Variants in PIP5K1B observed in about 807,000 individuals in gnomAD.
PIP5K1B encodes the protein phosphatidylinositol 4-phosphate 5-kinase type-1 beta.
PIP5K1B carries 42 observed loss-of-function variants against 67.0 expected under a neutral mutation model. The observed-to-expected ratio is 0.63, with a 90% CI of 0.49 to 0.81. PIP5K1B has a LOEUF of 0.81. Among genes scored for constraint, PIP5K1B ranks in the 30% least tolerant of loss-of-function variants. The pLI is 0.00. For synonymous variants in PIP5K1B, 214 were observed against 231.4 expected, an observed-to-expected ratio of 0.92 and a Z score of 0.68; for missense variants, 459 against 646.3, an observed-to-expected ratio of 0.71 and a Z score of 3.14.
chr9:68,976,609 A>G (rs1829640868), intron 14 of PIP5K1B, among the ~76,000 whole-genome samples: 1 of 152,228 alleles, frequency 6.6e-6, no homozygotes, highest in Admixed American at 6.5e-5. Context: ...ACCAGGGACC[A>G]GTTTTGTGGA....
chr9:68,756,073 G>A (rs181107475), intron 2 of PIP5K1B, among the ~76,000 whole-genome samples: 2 of 152,218 alleles, frequency 1.3e-5, no homozygotes, highest in African/African-American at 2.4e-5. Context: ...ACAAAGAATC[G>A]TGTGGAGAAG....
At position 68,871,432 on chromosome 9, in the gene PIP5K1B, C is replaced by T. The variant is rs1265315789; in HGVS notation, c.201-5245C>T. ...CTGCTAAATGGGGAATTCCAGATGGCGGCTAATGCTTCCTCAAGCTTCAAC... is the reference window on the plus strand; with the variant it reads ...CTGCTAAATGGGGAATTCCAGATGGTGGCTAATGCTTCCTCAAGCTTCAAC... On this transcript the variant is annotated intron_variant, in intron 5 of 15. Transcript: ENST00000265382. Among the ~76,000 whole-genome samples the T allele has an allele frequency of 8.5e-5, 13 of 152,280 alleles. 1 individual carries two copies. The South Asian group carries it at 1.7e-3, about 19-fold the overall frequency.
At chr9:68,907,483 AT>A (rs1167889650) in intron 8 of PIP5K1B, among the ~76,000 whole-genome samples, 1 of 151,424 alleles carries the variant, frequency 6.6e-6, no homozygotes, top group Non-Finnish European at 1.5e-5. Context: ...ACTCCAAATG[AT>A]TTTTTTTTCT....
intron 2 of PIP5K1B, among the ~76,000 whole-genome samples, chr9:68,812,119 C>A (rs1833200781): frequency 1.3e-5 from 2 of 152,202 alleles, no homozygotes. Context: ...ACAAACCAGC[C>A]TCACAGCAAG....
At chr9:68,895,375 A>G (rs1825030633) in intron 8 of PIP5K1B, among the ~76,000 whole-genome samples, 1 of 152,052 alleles carries the variant, frequency 6.6e-6, no homozygotes, top group South Asian at 2.1e-4. Flanking sequence ...CTTCTGAAGG[A>G]TAATAATCAT....
intron 4 of PIP5K1B, among the ~76,000 whole-genome samples, chr9:68,823,241 GGTCCCAAGGATTAGA>G (rs1833817315): frequency 6.6e-6 from 1 of 152,104 alleles, no homozygotes; most frequent in Non-Finnish European, 1.5e-5. Flanking sequence ...CATATTCACA[GGTCCCAAGGATTAGA>G]GCATGGGAAT....
At chr9:68,712,198 A>G (rs1382618536) in intron 1 of PIP5K1B, among the ~76,000 whole-genome samples, 1 of 152,086 alleles carries the variant, frequency 6.6e-6, no homozygotes, top group Non-Finnish European at 1.5e-5. Context: ...AGCGTGTGGC[A>G]TCTCCTACCC....
chr9:68,932,576 G>T (rs1248119750), intron 12 of PIP5K1B, among the ~76,000 whole-genome samples: 2 of 152,134 alleles, frequency 1.3e-5, no homozygotes, highest in Non-Finnish European at 2.9e-5. Flanking sequence ...TTAACGTCTG[G>T]CTTAATAGAA....
At chr9:68,743,085 G>A (rs578065534) in intron 2 of PIP5K1B, among the ~76,000 whole-genome samples, 95 of 152,300 alleles carry the variant, frequency 6.2e-4, no homozygotes, top group African/African-American at 2.2e-3. Flanking sequence ...TAGGCCCTAG[G>A]AGGGTACAAA....
intron 14 of PIP5K1B, among the ~76,000 whole-genome samples, chr9:68,979,953 G>A (rs1397243644): frequency 6.6e-6 from 1 of 152,224 alleles, no homozygotes; most frequent in South Asian, 2.1e-4. Flanking sequence ...CTCCTGTATG[G>A]TGGCAGGCGG....
chr9:68,783,147 C>G (rs1273444682), intron 2 of PIP5K1B: 1 of 167,080 alleles, frequency 6.0e-6, no homozygotes, highest in East Asian at 1.9e-4. Flanking sequence ...TGCTTGAAAA[C>G]TTCACTTGCT....
At chr9:68,727,360 C>T (rs1828202990) in intron 1 of PIP5K1B, among the ~76,000 whole-genome samples, 1 of 152,080 alleles carries the variant, frequency 6.6e-6, no homozygotes, top group Non-Finnish European at 1.5e-5. Flanking sequence ...AATTTATTGC[C>T]TTGCACATAC....
chr9:68,787,978 G>A (rs1320571876), intron 2 of PIP5K1B, among the ~76,000 whole-genome samples: 2 of 152,128 alleles, frequency 1.3e-5, no homozygotes, highest in East Asian at 1.9e-4. Context: ...GAAGTCTTTC[G>A]TCAGCTTTAG....
chr9:68,811,711 T>C (rs1833177562), intron 2 of PIP5K1B, among the ~76,000 whole-genome samples: 1 of 152,364 alleles, frequency 6.6e-6, no homozygotes, highest in East Asian at 1.9e-4. Context: ...CATCTCTTGC[T>C]TAGCTTTTCA....
intron 14 of PIP5K1B, among the ~76,000 whole-genome samples, chr9:68,983,718 T>C (rs918583014): frequency 2.6e-5 from 4 of 152,152 alleles, no homozygotes; most frequent in African/African-American, 9.7e-5. Context: ...TTGTTGCAAA[T>C]TGTGTGCAAT....
chr9:68,788,206 G>A, intron 2 of PIP5K1B: 1 of 323,798 alleles, frequency 3.1e-6, no homozygotes. Context: ...AGGAATGTGT[G>A]GGCCCAGGAG....
chr9:68,976,427 A>C (rs1170963293), intron 14 of PIP5K1B, among the ~76,000 whole-genome samples: 1 of 152,222 alleles, frequency 6.6e-6, no homozygotes, highest in Non-Finnish European at 1.5e-5. Context: ...GGAGTACAGG[A>C]AAATTCAATG....
At chr9:68,808,219 G>A (rs894772743) in intron 2 of PIP5K1B, among the ~76,000 whole-genome samples, 1 of 152,058 alleles carries the variant, frequency 6.6e-6, no homozygotes, top group Middle Eastern at 3.4e-3. Context: ...AAAACAAAAG[G>A]GGAAGAAAAA....
intron 4 of PIP5K1B, among the ~76,000 whole-genome samples, chr9:68,856,634 C>T (rs1443360631): frequency 6.6e-6 from 1 of 152,212 alleles, no homozygotes; most frequent in Non-Finnish European, 1.5e-5. Context: ...TAGAAACTCC[C>T]ATGAGAGCAA....
Sources: gnomAD v4.1 joint callset for allele counts (sites outside exome capture counted in the v4.1 genomes callset) on GRCh38, gnomAD v4.1.1 for gene constraint, MANE v1.5 for transcripts, NCBI Gene and HGNC (gene_info 2026-07-23, HGNC 2026-07-21) for gene names.